PPP3CA: variants seen among roughly 807,000 people sequenced by gnomAD.
PPP3CA encodes the protein protein phosphatase 3 catalytic subunit alpha.
In PPP3CA, 14 loss-of-function variants were observed where a neutral mutation model predicts 66.5. That is an observed-to-expected ratio of 0.21 (90% CI 0.14 to 0.33). The LOEUF (loss-of-function observed/expected upper bound fraction) is 0.33. Ranked by LOEUF, PPP3CA falls within the 10% of genes least tolerant of loss-of-function variation. PPP3CA has a pLI of 1.00. For missense variants in PPP3CA, 317 were observed against 639.5 expected (o/e 0.50, Z 5.44); for synonymous variants, 232 against 226.2 (o/e 1.03, Z -0.23).
chr4:101,151,099 T>G (rs1472151209), intron 2 of PPP3CA, among the ~76,000 whole-genome samples: 1 of 152,208 alleles, frequency 6.6e-6, no homozygotes, highest in Non-Finnish European at 1.5e-5. Context: ...CATTAAACAT[T>G]ACTTTTAACA....
intron 2 of PPP3CA, among the ~76,000 whole-genome samples, chr4:101,137,995 G>A (rs954034893): frequency 2.0e-5 from 3 of 151,942 alleles, no homozygotes; most frequent in African/African-American, 4.8e-5. Context: ...ACTAACAAGC[G>A]AGCAGTTGTA....
chr4:101,175,047 A>T (rs866168438), intron 2 of PPP3CA, among the ~76,000 whole-genome samples: 1 of 152,196 alleles, frequency 6.6e-6, no homozygotes, highest in Non-Finnish European at 1.5e-5. Context: ...ATTTGGAGAC[A>T]TAACAAAGAT....
At chr4:101,333,552 T>C (rs545198234) in intron 1 of PPP3CA, among the ~76,000 whole-genome samples, 2 of 152,206 alleles carry the variant, frequency 1.3e-5, no homozygotes, top group South Asian at 4.1e-4. Context: ...TTATTGACAC[T>C]GAATTTCCGA....
intron 2 of PPP3CA, among the ~76,000 whole-genome samples, chr4:101,144,690 C>G (rs1445731625): frequency 6.6e-6 from 1 of 152,158 alleles, no homozygotes; most frequent in East Asian, 1.9e-4. Context: ...AACCCTGTGA[C>G]TCTAGATCCT....
intron 1 of PPP3CA, among the ~76,000 whole-genome samples, chr4:101,326,633 T>C (rs1729217142): frequency 6.6e-6 from 1 of 152,202 alleles, no homozygotes; most frequent in Admixed American, 6.5e-5. Flanking sequence ...CAGGTAGCAT[T>C]TAATGAAGTC....
intron 2 of PPP3CA, among the ~76,000 whole-genome samples, chr4:101,136,640 G>A (rs997485423): frequency 5.3e-5 from 8 of 151,560 alleles, no homozygotes; most frequent in African/African-American, 1.9e-4. Context: ...TGTATGATAT[G>A]TGCTCTTCTG....
At chr4:101,257,034 C>T (rs1329635351) in intron 1 of PPP3CA, among the ~76,000 whole-genome samples, 1 of 151,938 alleles carries the variant, frequency 6.6e-6, no homozygotes, top group Non-Finnish European at 1.5e-5. Context: ...CTTAGTATTT[C>T]TTATTATGGA....
intron 3 of PPP3CA, among the ~76,000 whole-genome samples, chr4:101,102,668 C>T (rs1174004043): frequency 6.6e-6 from 1 of 152,080 alleles, no homozygotes; most frequent in Non-Finnish European, 1.5e-5. Context: ...TGAAGATCTT[C>T]AGCAAATCAT....
chr4:101,032,149 A>C (rs567197896), intron 12 of PPP3CA, 118 bp downstream of exon 12: 70 of 691,934 alleles, frequency 1.0e-4, no homozygotes, highest in Non-Finnish European at 1.5e-4. Flanking sequence ...CCCTTCTGCC[A>C]GCTGAGAAGA....
intron 2 of PPP3CA, among the ~76,000 whole-genome samples, chr4:101,151,982 CA>C (rs1321700028): frequency 1.3e-5 from 2 of 152,008 alleles, no homozygotes; most frequent in African/African-American, 4.8e-5. Context: ...TATACATATG[CA>C]AATATTTTAT....
At chr4:101,176,808 T>A (rs1724075916) in intron 2 of PPP3CA, among the ~76,000 whole-genome samples, 1 of 152,044 alleles carries the variant, frequency 6.6e-6, no homozygotes, top group Non-Finnish European at 1.5e-5. Flanking sequence ...CACAGTGAAA[T>A]GTGACAAACA....
intron 1 of PPP3CA, among the ~76,000 whole-genome samples, chr4:101,264,132 C>T (rs544727476): frequency 1.1e-4 from 17 of 152,308 alleles, no homozygotes; most frequent in African/African-American, 2.9e-4. Context: ...AGTAATATGT[C>T]TTCACATAAA....
chr4:101,149,827 T>C (rs1189874453), intron 2 of PPP3CA, among the ~76,000 whole-genome samples: 6 of 152,196 alleles, frequency 3.9e-5, no homozygotes, highest in Admixed American at 2.0e-4. Context: ...GGCTAGGTTA[T>C]TGACAGTCTG....
intron 2 of PPP3CA, among the ~76,000 whole-genome samples, chr4:101,157,866 C>CAAAAAAAAAAAAAAAAAAAAA (rs770632810): frequency 4.1e-5 from 2 of 48,864 alleles, no homozygotes; most frequent in African/African-American, 7.7e-5. Flanking sequence ...CCTTAGGAGG[C>CAAAAAAAAAAAAAAAAAAAAA]AAAAAAAAAA....
intron 1 of PPP3CA, among the ~76,000 whole-genome samples, chr4:101,205,566 T>C (rs190998281): frequency 2.1e-3 from 291 of 137,084 alleles, no homozygotes; most frequent in East Asian, 0.015. Flanking sequence ...GGTAAGTTGA[T>C]AGGAAAAAAA....
At chr4:101,174,097 A>G (rs957082411) in intron 2 of PPP3CA, among the ~76,000 whole-genome samples, 8 of 149,098 alleles carry the variant, frequency 5.4e-5, no homozygotes, top group South Asian at 2.1e-4. Context: ...CGCCCCCCCC[A>G]CCCCGCCAGA....
chr4:101,084,369 C>T (rs1292383023), intron 6 of PPP3CA, among the ~76,000 whole-genome samples: 4 of 152,030 alleles, frequency 2.6e-5, no homozygotes, highest in South Asian at 2.1e-4. Flanking sequence ...GGCCGGGCAT[C>T]GTGGGTCACA....
At chr4:101,148,380 C>T (rs1290886248) in intron 2 of PPP3CA, among the ~76,000 whole-genome samples, 1 of 152,030 alleles carries the variant, frequency 6.6e-6, no homozygotes, top group African/African-American at 2.4e-5. Context: ...ATTTAAAACA[C>T]TTAACTCAGT....
intron 1 of PPP3CA, among the ~76,000 whole-genome samples, chr4:101,320,760 C>A (rs1369644039): frequency 6.6e-6 from 1 of 152,112 alleles, no homozygotes; most frequent in African/African-American, 2.4e-5. Flanking sequence ...CAAACCTGGA[C>A]ACATTGCCTG....
Sources: allele counts gnomAD v4.1 joint callset (sites outside exome capture counted in the v4.1 genomes callset), GRCh38; gene constraint gnomAD v4.1.1; transcripts MANE v1.5; gene names NCBI Gene and HGNC (gene_info 2026-07-23, HGNC 2026-07-21).